The following EPSTI1 variants were observed in gnomAD, a reference collection of about 807,000 sequenced individuals.
The protein encoded by EPSTI1 is epithelial stromal interaction 1, also known as epithelial-stromal interaction protein 1.
In EPSTI1, 66 loss-of-function variants were observed where a neutral mutation model predicts 49.9. The ratio of observed to expected loss-of-function variants is 1.32; its 90% confidence interval spans 1.08 to 1.62. The LOEUF (loss-of-function observed/expected upper bound fraction) is 1.62, where lower values mean the gene tolerates loss of function less well. Among genes scored for constraint, EPSTI1 ranks in the 40% most tolerant of loss-of-function variants. The probability of loss-of-function intolerance (pLI) is 0.00; values close to 1 mark genes in which losing one functional copy is unlikely to be tolerated. For missense variants in EPSTI1, 394 were observed against 365.5 expected (o/e 1.08, Z -0.64); for synonymous variants, 137 against 130.7 (o/e 1.05, Z -0.33).
At chr13:42,987,714 A>C (rs1378927763) in intron 1 of EPSTI1, among the ~76,000 whole-genome samples, 1 of 152,216 alleles carries the variant, frequency 6.6e-6, no homozygotes, top group Admixed American at 6.5e-5. Flanking sequence ...ATTTGTTCAC[A>C]TATTAATAAA....
chr13:42,940,720 C>A (rs1350368955), intron 6 of EPSTI1, among the ~76,000 whole-genome samples: 1 of 152,140 alleles, frequency 6.6e-6, no homozygotes, highest in Admixed American at 6.5e-5. Flanking sequence ...ACTACAGGCA[C>A]GTGCTACCAC....
At chr13:42,981,119 G>T (rs1046190398) in intron 1 of EPSTI1, among the ~76,000 whole-genome samples, 6 of 152,048 alleles carry the variant, frequency 3.9e-5, no homozygotes, top group Non-Finnish European at 7.4e-5. Context: ...ATATTTGCAG[G>T]GGGTGGGGGA....
At chr13:42,990,919 A>G (rs1278365007) in intron 1 of EPSTI1, among the ~76,000 whole-genome samples, 2 of 152,220 alleles carry the variant, frequency 1.3e-5, no homozygotes, top group Admixed American at 6.5e-5. Flanking sequence ...GATAAACCAT[A>G]CTGTTGAGTT....
At chr13:42,910,257 C>CTTTTTTTT (rs71099807) in intron 8 of EPSTI1, among the ~76,000 whole-genome samples, 3 of 97,664 alleles carry the variant, frequency 3.1e-5, no homozygotes, top group African/African-American at 4.1e-5. Flanking sequence ...TTAACCAAAT[C>CTTTTTTTT]TTTTTTTTTT....
intron 6 of EPSTI1, among the ~76,000 whole-genome samples, chr13:42,935,093 T>C (rs34052045): frequency 0.12 from 18,335 of 152,216 alleles, 1,414 homozygotes; most frequent in Non-Finnish European, 0.17. Flanking sequence ...ACCCTGGACA[T>C]TGTTGTCATG....
At chr13:42,989,567 C>CTTTTTTTTTTTTTTTTTTTTTTTTTT in intron 1 of EPSTI1, among the ~76,000 whole-genome samples, 99 of 78,972 alleles carry the variant, frequency 1.3e-3, no homozygotes, top group Non-Finnish European at 1.5e-3. Context: ...CCTCTTTTTT[C>CTTTTTTTTTTTTTTTTTTTTTTTTTT]TTTTTTTTTT....
In EPSTI1 at chr13:42,917,564, T is replaced by C. The variant is rs146505612; in HGVS notation, c.718A>G (p.Met240Val). 3.1e-6 allele frequency: 5 copies of C among 1,612,472 alleles called. No individual in the cohort carries two copies. Among genetic ancestry groups the C allele is most frequent in the Non-Finnish European group, 3.4e-6 (4 of 1,179,292 alleles). ...ACCTTTTGATGTTGTTCATCCTTCATCTTTTGCAATTTTCTGTTTTCTTCT... is the reference window on the plus strand; with the variant it reads ...ACCTTTTGATGTTGTTCATCCTTCACCTTTTGCAATTTTCTGTTTTCTTCT... ...KAEENRKLQK[M>V]KDEQHQKSEL... The change falls in exon 8 of 11, where the codon ATG becomes GTG. Residue 240 changes from methionine to valine, a missense_variant. Met to Val is a conservative substitution (Grantham distance 21). Transcript: ENST00000313624.
chr13:42,931,052 T>TG (rs1444652327), intron 6 of EPSTI1, among the ~76,000 whole-genome samples: 3 of 152,244 alleles, frequency 2.0e-5, no homozygotes. Context: ...AGTAAATGTA[T>TG]GGGCCAGGCT....
At chr13:42,924,465 A>G (rs183729830) in intron 7 of EPSTI1, among the ~76,000 whole-genome samples, 313 of 152,346 alleles carry the variant, frequency 2.1e-3, no homozygotes, top group Non-Finnish European at 3.6e-3. Flanking sequence ...ATAGAGCAGC[A>G]CACGCAGTTC....
intron 8 of EPSTI1, among the ~76,000 whole-genome samples, chr13:42,910,545 C>A (rs185452025): frequency 1.3e-5 from 2 of 152,060 alleles, no homozygotes; most frequent in Non-Finnish European, 1.5e-5. Flanking sequence ...TGAGCCACCG[C>A]GCCTGGTCCA....
intron 5 of EPSTI1, among the ~76,000 whole-genome samples, chr13:42,961,160 G>T (rs1308305538): frequency 1.3e-5 from 2 of 152,164 alleles, no homozygotes; most frequent in Non-Finnish European, 2.9e-5. Flanking sequence ...TAGAATATGG[G>T]TGGTAGGGGA....
intron 3 of EPSTI1, among the ~76,000 whole-genome samples, chr13:42,966,735 GT>G (rs1345393729): frequency 5.6e-5 from 5 of 89,942 alleles, no homozygotes; most frequent in African/African-American, 1.0e-4. Flanking sequence ...CGTCCGGGAG[GT>G]GAGGGGCGCC....
Position 42,888,395 on chromosome 13 carries a change from G to T in EPSTI1, c.*99C>A, listed in dbSNP as rs180729279. 9 of 1,614,144 alleles carry T rather than the reference G, an allele frequency of 5.6e-6. No individual in the cohort carries two copies. Among genetic ancestry groups the T allele is most frequent in the Non-Finnish European group, 7.6e-6 (9 of 1,180,014 alleles). On this transcript the variant is annotated 3_prime_UTR_variant, in exon 11 of 11. Transcript: ENST00000313624. The stretch of plus-strand genomic sequence containing the variant: ...AAGTGTGTGGGCAGTTGAAATTAAG[G>T]TAAAAACAGTGAGGCTGAACAAAAT...
chr13:42,985,148 G>A (rs1273439076), intron 1 of EPSTI1, among the ~76,000 whole-genome samples: 1 of 152,202 alleles, frequency 6.6e-6, no homozygotes, highest in Non-Finnish European at 1.5e-5. Context: ...AAAAGACAGT[G>A]AGAGAGGCCC....
At chr13:42,934,456 T>A (rs2038488469) in intron 6 of EPSTI1, 1 of 152,760 alleles carries the variant, frequency 6.5e-6, no homozygotes, top group Non-Finnish European at 1.5e-5. Flanking sequence ...CGGCTTTGGC[T>A]GCTGCCATGG....
intron 8 of EPSTI1, among the ~76,000 whole-genome samples, chr13:42,910,743 T>A (rs1044537897): frequency 2.6e-5 from 4 of 152,034 alleles, no homozygotes; most frequent in South Asian, 2.1e-4. Flanking sequence ...AACAGGGAAT[T>A]TTTTTTTAGT....
chr13:42,954,377 T>C (rs2039196364), intron 5 of EPSTI1, among the ~76,000 whole-genome samples: 1 of 152,224 alleles, frequency 6.6e-6, no homozygotes, highest in South Asian at 2.1e-4. Flanking sequence ...GTATGTTAAA[T>C]TAAAATTATA....
At chr13:42,910,724 T>C (rs1352000568) in intron 8 of EPSTI1, among the ~76,000 whole-genome samples, 2 of 152,180 alleles carry the variant, frequency 1.3e-5, no homozygotes, top group African/African-American at 4.8e-5. Context: ...CCTTGTTCCA[T>C]TCAGTAAAAA....
intron 7 of EPSTI1, chr13:42,919,407 A>G: frequency 7.7e-7 from 1 of 1,301,202 alleles, no homozygotes; most frequent in East Asian, 2.3e-5. Flanking sequence ...TTTCTAAGTC[A>G]CTGTATTCAC....
Sources: allele counts gnomAD v4.1 joint callset (sites outside exome capture counted in the v4.1 genomes callset), GRCh38; gene constraint gnomAD v4.1.1; transcripts MANE v1.5; gene names NCBI Gene and HGNC (gene_info 2026-07-23, HGNC 2026-07-21).